Variants in SMC1B observed in about 807,000 individuals in gnomAD.
The protein encoded by SMC1B is structural maintenance of chromosomes protein 1B.
SMC1B carries 60 observed loss-of-function variants against 157.9 expected under a neutral mutation model. The ratio of observed to expected loss-of-function variants is 0.38; its 90% CI spans 0.31 to 0.47. The LOEUF is 0.47. SMC1B is among the 20% of genes least tolerant of loss of function. The probability of loss-of-function intolerance (pLI) is 0.99; values close to 1 mark genes in which losing one functional copy is unlikely to be tolerated. For missense variants in SMC1B, 1,165 were observed against 1,426.2 expected, an observed-to-expected ratio of 0.82 and a Z score of 2.95; for synonymous variants, 445 against 483.0, an observed-to-expected ratio of 0.92 and a Z score of 1.03.
At chr22:45,403,213 C>T (rs1419990604) in intron 4 of SMC1B, among the ~76,000 whole-genome samples, 1 of 152,120 alleles carries the variant, frequency 6.6e-6, no homozygotes, top group East Asian at 1.9e-4. Context: ...TTAAATTTTG[C>T]AGTTCAGTAT....
chr22:45,370,100 T>C, intron 14 of SMC1B, 40 bp from the exon 15 acceptor site: 1 of 1,151,030 alleles, frequency 8.7e-7, no homozygotes, highest in South Asian at 1.6e-5. Flanking sequence ...AATAAGCAAT[T>C]TTAAGAAATA....
At position 45,370,731 on chromosome 22, in the gene SMC1B, G is replaced by T. The variant is rs1195109784; in HGVS notation, c.2314-671C>A. Among the ~76,000 whole-genome samples, 3 of 152,154 alleles carry T rather than the reference G, an allele frequency of 2.0e-5. 1 individual carries two copies. The highest frequency in any genetic ancestry group is 7.2e-5 in the African/African-American group (3 of 41,436). On this transcript the variant is annotated intron_variant, in intron 14 of 24. Transcript: ENST00000357450. Reference sequence around the variant, plus strand: ...TTATAAACATACAGACCCACAATATGCTGTACAGACAATATTTTGACATCA... The same window carrying T: ...TTATAAACATACAGACCCACAATATTCTGTACAGACAATATTTTGACATCA...
chr22:45,387,534 G>A (rs1370945072), intron 10 of SMC1B, among the ~76,000 whole-genome samples: 1 of 152,162 alleles, frequency 6.6e-6, no homozygotes, highest in African/African-American at 2.4e-5. Flanking sequence ...CCCATCATTG[G>A]TTTGGGTAAT....
At chr22:45,357,013 G>A (rs922149823) in intron 19 of SMC1B, among the ~76,000 whole-genome samples, 1 of 152,084 alleles carries the variant, frequency 6.6e-6, no homozygotes, top group Admixed American at 6.6e-5. Context: ...GATTACAGGC[G>A]TGAGCCACCA....
intron 4 of SMC1B, among the ~76,000 whole-genome samples, chr22:45,404,395 G>C (rs1372285504): frequency 6.6e-6 from 1 of 152,168 alleles, no homozygotes; most frequent in Non-Finnish European, 1.5e-5. Context: ...GTTGTCTCTT[G>C]TGGGGAAAAA....
chr22:45,385,949 C>T lies in SMC1B; in HGVS notation c.1911+918G>A, dbSNP rs1046799899. Among the ~76,000 whole-genome samples, 17 of 151,984 alleles carry T rather than the reference C, an allele frequency of 1.1e-4. No homozygotes were observed. In the East Asian group the frequency reaches 3.3e-3, roughly 29 times the overall value. On this transcript the variant is annotated intron_variant, in intron 11 of 24. Coordinates refer to ENST00000357450, the MANE Select transcript of SMC1B (RefSeq NM_148674.5). Reference sequence around the variant, plus strand: ...GAAGTGCCTGCTTTTTGTTAATTTGCAATTCTGGACATTCCAGATTAAGTG... The same window carrying T: ...GAAGTGCCTGCTTTTTGTTAATTTGTAATTCTGGACATTCCAGATTAAGTG...
intron 8 of SMC1B, 133 bp downstream of exon 8, chr22:45,394,552 T>C (rs1241678751): frequency 2.8e-6 from 3 of 1,089,650 alleles, no homozygotes; most frequent in African/African-American, 3.3e-5. Flanking sequence ...AGGAGCGTCA[T>C]GTGAGCCCCG....
At chr22:45,355,711 G>A (rs555265994) in intron 19 of SMC1B, among the ~76,000 whole-genome samples, 1 of 123,092 alleles carries the variant, frequency 8.1e-6, no homozygotes, top group Non-Finnish European at 1.7e-5. Context: ...TGACACAAGT[G>A]ATGAATAGAA....
At chr22:45,353,918 A>AAAAC in intron 21 of SMC1B, 60 bp downstream of exon 21, 1 of 862,578 alleles carries the variant, frequency 1.2e-6, no homozygotes, top group South Asian at 1.8e-5. Flanking sequence ...AAAAAAAAAA[A>AAAAC]AACAACCACC....
intron 8 of SMC1B, among the ~76,000 whole-genome samples, chr22:45,394,228 G>A (rs1418604117): frequency 6.6e-6 from 1 of 152,134 alleles, no homozygotes; most frequent in Non-Finnish European, 1.5e-5. Context: ...AGGGGGCTGA[G>A]GTAGGTGGAT....
At chr22:45,368,835 T>C (rs983380660) in intron 15 of SMC1B, among the ~76,000 whole-genome samples, 2 of 152,148 alleles carry the variant, frequency 1.3e-5, no homozygotes, top group African/African-American at 4.8e-5. Context: ...AGTTTTAATA[T>C]TGAACATCTG....
chr22:45,353,893 C>T, intron 21 of SMC1B, 85 bp downstream of exon 21: 1 of 246,792 alleles, frequency 4.1e-6, no homozygotes, highest in Non-Finnish European at 6.8e-6. Context: ...TATTTCCCAC[C>T]AAAAAAAAAA....
chr22:45,388,154 G>A (rs1329154555), intron 10 of SMC1B, among the ~76,000 whole-genome samples: 1 of 152,138 alleles, frequency 6.6e-6, no homozygotes, highest in Non-Finnish European at 1.5e-5. Flanking sequence ...CAAAGTGTCT[G>A]CAATATATTA....
In SMC1B at chr22:45,389,756, C is replaced by T. The variant is rs1158538325; in HGVS notation, c.1687G>A (p.Glu563Lys). ...AKDCIRFLKE[E>K]RAEPETFLAL... Reference sequence around the variant, plus strand: ...AGGAATGTCTCAGGTTCAGCTCTTTCCTCCTTCAGAAATCGAATACAATCT... The same window carrying T: ...AGGAATGTCTCAGGTTCAGCTCTTTTCTCCTTCAGAAATCGAATACAATCT... Residue 563 changes from glutamate (E) to lysine (K), a missense_variant, in exon 10 of 25, where the codon GAA becomes AAA. Physicochemically the swap from Glu to Lys is moderately conservative, Grantham distance 56. Coordinates refer to ENST00000357450, the MANE Select transcript of SMC1B (RefSeq NM_148674.5). 6.2e-7 allele frequency: 1 copy of T among 1,614,118 alleles called. No individual in the cohort carries two copies. Among genetic ancestry groups the T allele is most frequent in the African/African-American group, 1.3e-5 (1 of 75,058 alleles).
At chr22:45,392,067 C>T (rs1043341146) in intron 9 of SMC1B, among the ~76,000 whole-genome samples, 1 of 152,190 alleles carries the variant, frequency 6.6e-6, no homozygotes. Context: ...CTGCCTCAGC[C>T]TCCCAAGTAG....
intron 5 of SMC1B, among the ~76,000 whole-genome samples, chr22:45,402,128 C>T (rs2087202675): frequency 6.6e-6 from 1 of 152,198 alleles, no homozygotes; most frequent in African/African-American, 2.4e-5. Flanking sequence ...CGTGATCCAC[C>T]TGCCTCAGCC....
chr22:45,412,344 G>A (rs1423025606), intron 1 of SMC1B, among the ~76,000 whole-genome samples: 3 of 151,114 alleles, frequency 2.0e-5, no homozygotes, highest in African/African-American at 4.9e-5. Context: ...GGGATTACAG[G>A]TGCATGTCAC....
At position 45,371,559 on chromosome 22, in the gene SMC1B, A is replaced by G; in HGVS notation, c.2225T>C (p.Leu742Pro). The change falls in exon 14 of 25, where the codon CTA (leucine) becomes CCA (proline). Residue 742 changes from leucine (L) to proline (P), a missense_variant. Leu to Pro is a moderately conservative substitution (Grantham distance 98). Transcript: ENST00000357450. ...QEQSQLQSEL[L>P]NIESQCIMLS... Reference sequence around the variant, plus strand: ...CATAATACATTGAGACTCAATATTTAGTAGTTCACTTTGTAACTGAGATTG... The same window carrying G: ...CATAATACATTGAGACTCAATATTTGGTAGTTCACTTTGTAACTGAGATTG... The G allele has an allele frequency of 1.3e-6, 2 of 1,594,436 alleles. No homozygotes were observed. Among genetic ancestry groups the G allele is most frequent in the Non-Finnish European group, 1.7e-6 (2 of 1,173,240 alleles).
intron 4 of SMC1B, among the ~76,000 whole-genome samples, chr22:45,405,860 G>A (rs985670033): frequency 6.6e-6 from 1 of 152,108 alleles, no homozygotes; most frequent in African/African-American, 2.4e-5. Context: ...CTAGGCCTTA[G>A]CATAAGTAAG....
Sources: gnomAD v4.1 joint callset for allele counts (sites outside exome capture counted in the v4.1 genomes callset) on GRCh38, gnomAD v4.1.1 for gene constraint, MANE v1.5 for transcripts, NCBI Gene and HGNC (gene_info 2026-07-23, HGNC 2026-07-21) for gene names.